Variants in POR observed in about 807,000 individuals in gnomAD.
The protein encoded by POR is cytochrome p450 oxidoreductase.
Under a neutral mutation model 84.0 loss-of-function variants are expected in POR, and 56 were observed. The ratio of observed to expected loss-of-function variants is 0.67; its 90% CI spans 0.54 to 0.83. The LOEUF is 0.83. Ranked by LOEUF, POR falls within the 40% of genes least tolerant of loss-of-function variation. The pLI is 0.00. For missense variants in POR, 938 were observed against 944.3 expected, an observed-to-expected ratio of 0.99 and a Z score of 0.09; for synonymous variants, 414 against 400.5, an observed-to-expected ratio of 1.03 and a Z score of -0.40.
chr7:75,936,401 C>T (rs7787087), intron 1 of POR, among the ~76,000 whole-genome samples: 10,226 of 151,974 alleles, frequency 0.067, 1,081 homozygotes, highest in African/African-American at 0.23. Flanking sequence ...AGCCACTATG[C>T]CTGTTTCTCT....
intron 1 of POR, among the ~76,000 whole-genome samples, chr7:75,926,721 G>A (rs370864879): frequency 3.3e-5 from 5 of 152,154 alleles, no homozygotes; most frequent in South Asian, 2.1e-4. Flanking sequence ...TTGAACCCGG[G>A]GGGCAGAGGT....
intron 3 of POR, among the ~76,000 whole-genome samples, chr7:75,977,851 A>T (rs1788768153): frequency 1.3e-5 from 2 of 152,210 alleles, no homozygotes; most frequent in Admixed American, 6.5e-5. Flanking sequence ...ACTGCAGAGA[A>T]CCTCACATGT....
rs41301409 is a variant in POR, at chr7:75,984,051, G to A, written c.1066+195G>A. Among the ~76,000 whole-genome samples the A allele has an allele frequency of 5.9e-3, 897 of 152,272 alleles. 16 individuals are homozygous for A. Among genetic ancestry groups the A allele is most frequent in the African/African-American group, 0.021 (855 of 41,566 alleles). ...CCCTAGGGGTCTAGCCCTCTCTGTC[G>A]GGGTTCCCCCTACCCCGTCACTGTC... On this transcript the variant is annotated intron_variant, in intron 10 of 15. Coordinates refer to ENST00000461988, the MANE Select transcript of POR (RefSeq NM_000941.3).
Position 75,985,071 on chromosome 7 carries a change from G to A in POR, c.1262G>A (p.Ser421Asn), listed in dbSNP as rs1384595156. The A allele has an allele frequency of 6.3e-7, 1 of 1,598,736 alleles. No individual in the cohort carries two copies. The highest frequency in any genetic ancestry group is 8.5e-7 in the Non-Finnish European group (1 of 1,178,746). Residue 421 changes from serine (S) to asparagine (N), a missense_variant, in exon 12 of 16, where the codon AGC becomes AAC. Coordinates refer to ENST00000461988, the MANE Select transcript of POR (RefSeq NM_000941.3). ...CGTGTCTCTTAGGAGCTGTACCTGA[G>A]CTGGGTGGTGGAGGCCCGGAGGCAC... is the stretch of plus-strand genomic sequence containing the variant.
intron 2 of POR, among the ~76,000 whole-genome samples, chr7:75,965,603 T>C (rs981107861): frequency 1.3e-5 from 2 of 152,198 alleles, no homozygotes; most frequent in African/African-American, 4.8e-5. Flanking sequence ...CTTTTCTTTC[T>C]GTCACCGATG....
At chr7:75,941,478 A>C (rs1313137711) in intron 1 of POR, among the ~76,000 whole-genome samples, 2 of 152,176 alleles carry the variant, frequency 1.3e-5, no homozygotes, top group African/African-American at 4.8e-5. Context: ...AGACTCCCAC[A>C]ACCAGAGCCT....
intron 2 of POR, among the ~76,000 whole-genome samples, chr7:75,959,585 T>A (rs781855739): frequency 7.2e-5 from 11 of 152,298 alleles, no homozygotes; most frequent in Non-Finnish European, 1.2e-4. Flanking sequence ...CCTCCCAAGT[T>A]GCTGGGATTA....
chr7:75,982,245 G>C lies in POR; in HGVS notation c.753G>C (p.Val251=). Reference sequence around the variant, plus strand: ...CCAGCATTCGCCAGTACGAGCTTGTGGTCCACACCGACATAGATGCGGCCA... The same window carrying C: ...CCAGCATTCGCCAGTACGAGCTTGTCGTCCACACCGACATAGATGCGGCCA... The change falls in exon 8 of 16, where the codon GTG becomes GTC. Residue 251 remains valine (V), a synonymous_variant. Transcript: ENST00000461988. 1 of 1,612,174 alleles carries C rather than the reference G, an allele frequency of 6.2e-7. No homozygotes were observed. The highest frequency in any genetic ancestry group is 8.5e-7 in the Non-Finnish European group (1 of 1,179,266).
chr7:75,933,376 G>GTTTTT lies in POR; in HGVS notation c.-5+18223_-5+18227dup, dbSNP rs200575911. Among the ~76,000 whole-genome samples the GTTTTT allele has an allele frequency of 5.7e-3, 527 of 92,126 alleles. 9 individuals carry two copies. The highest frequency in any genetic ancestry group is 0.01 in the Non-Finnish European group (407 of 40,484). 60.4% of individuals were successfully genotyped at this position (92,126 alleles called of 152,430 possible). A position where few individuals can be genotyped will look rare whatever the true frequency, so the allele number is the denominator to read the frequency against. ...TCACCATGTTATACAATAGGTCTTT[G>GTTTTT]TTTTTTTTTTTTTTTTTTTTTTTTT... On this transcript the variant is annotated intron_variant, in intron 1 of 15. Coordinates refer to ENST00000461988, the MANE Select transcript of POR (RefSeq NM_000941.3).
intron 2 of POR, among the ~76,000 whole-genome samples, chr7:75,965,777 G>A (rs782327194): frequency 6.6e-6 from 1 of 152,162 alleles, no homozygotes; most frequent in Non-Finnish European, 1.5e-5. Flanking sequence ...ACTTGCTCAC[G>A]GAGTCCTGAT....
rs142864869 is a variant in POR, at chr7:75,960,292, A to AAATAAT, written c.188+6135_188+6140dup. Among the ~76,000 whole-genome samples, 457 of 149,048 alleles carry AAATAAT rather than the reference A, an allele frequency of 3.1e-3. 4 individuals carry two copies. Among genetic ancestry groups the AAATAAT allele is most frequent in the African/African-American group, 9.5e-3 (382 of 40,402 alleles). ...GGCGACAGAGCAAGACCCCCTCTCA[A>AAATAAT]AATAATAATAATAATAATAATAATA... On this transcript the variant is annotated intron_variant, in intron 2 of 15. Coordinates refer to ENST00000461988, the MANE Select transcript of POR (RefSeq NM_000941.3).
chr7:75,958,315 A>G (rs1787774033), intron 2 of POR, among the ~76,000 whole-genome samples: 1 of 151,908 alleles, frequency 6.6e-6, no homozygotes, highest in South Asian at 2.1e-4. Context: ...TGGACATCTA[A>G]CAATGTTGCC....
intron 5 of POR, 161 bp downstream of exon 5, chr7:75,980,649 G>C: frequency 6.4e-7 from 1 of 1,551,274 alleles, no homozygotes; most frequent in Middle Eastern, 1.7e-4. Context: ...CCAGACCCCA[G>C]CACTACGAGA....
intron 2 of POR, among the ~76,000 whole-genome samples, chr7:75,960,633 GCT>G (rs1175964599): frequency 2.0e-5 from 3 of 152,076 alleles, no homozygotes; most frequent in African/African-American, 7.2e-5. Context: ...GCTCCTGTGG[GCT>G]CTCTCTCCTG....
intron 4 of POR, among the ~76,000 whole-genome samples, chr7:75,979,969 G>A (rs1161177585): frequency 3.3e-5 from 5 of 152,200 alleles, no homozygotes; most frequent in African/African-American, 1.2e-4. Context: ...GAACAGTTTA[G>A]TTAGATATCA....
intron 1 of POR, among the ~76,000 whole-genome samples, chr7:75,949,017 G>A (rs1787301523): frequency 6.6e-6 from 1 of 152,200 alleles, no homozygotes; most frequent in African/African-American, 2.4e-5. Context: ...GAAACAGAAG[G>A]AGGCCAGCGT....
chr7:75,958,959 T>A (rs1787811966), intron 2 of POR, among the ~76,000 whole-genome samples: 1 of 152,238 alleles, frequency 6.6e-6, no homozygotes, highest in African/African-American at 2.4e-5. Flanking sequence ...CAGATGAGCA[T>A]TTCTTATCTG....
At chr7:75,937,674 C>T (rs1432513715) in intron 1 of POR, among the ~76,000 whole-genome samples, 2 of 141,760 alleles carry the variant, frequency 1.4e-5, no homozygotes, top group East Asian at 2.2e-4. Flanking sequence ...CCCAGCTACT[C>T]GGGAGGCTGA....
intron 2 of POR, among the ~76,000 whole-genome samples, chr7:75,965,727 C>T (rs1196299506): frequency 1.3e-5 from 2 of 152,162 alleles, no homozygotes; most frequent in Admixed American, 6.5e-5. Flanking sequence ...AAGGCTTTTG[C>T]GTGTGTGGAA....
Sources: allele counts gnomAD v4.1 joint callset (sites outside exome capture counted in the v4.1 genomes callset), GRCh38; gene constraint gnomAD v4.1.1; transcripts MANE v1.5; gene names NCBI Gene and HGNC (gene_info 2026-07-23, HGNC 2026-07-21).